The following NTMT2 variants were observed in gnomAD, a reference collection of about 807,000 sequenced individuals.
NTMT2 encodes X-Pro-Lys N-terminal protein methyltransferase 1B.
Under a neutral mutation model 23.4 loss-of-function variants are expected in NTMT2, and 21 were observed. That is an observed-to-expected ratio of 0.90 (90% CI 0.64 to 1.29). The LOEUF is 1.29. NTMT2 is among the 50% of genes most tolerant of loss of function. The pLI is 0.00. For missense variants in NTMT2, 336 were observed against 352.0 expected, an observed-to-expected ratio of 0.95 and a Z score of 0.36; for synonymous variants, 131 against 127.7, an observed-to-expected ratio of 1.03 and a Z score of -0.17.
chr1:170,146,194 C>G lies in NTMT2; in HGVS notation c.87C>G (p.Ile29Met). The G allele has an allele frequency of 6.4e-7, 1 of 1,551,188 alleles. No homozygotes were observed. The highest frequency in any genetic ancestry group is 8.7e-7 in the Non-Finnish European group (1 of 1,146,922). ...DELCRHSMSF[I>M]LHKAIRNDFF... ...TCTGTAGACATAGCATGTCTTTTAT[C>G]CTTCACAAAGCCATTCGCAATGACT... The change falls in exon 1 of 4, where the codon ATC becomes ATG. Residue 29 changes from isoleucine (I) to methionine (M), a missense_variant. Transcript: ENST00000439373.
rs1337299042 is a variant in NTMT2 at position 170,168,054 on chromosome 1, A to G, written c.*297A>G. ...AAACTGTGCAAGCGTGCATGAAAACAGAAGGCATAAAGGACAGCTGGCCTG... is the reference window on the plus strand; with the variant it reads ...AAACTGTGCAAGCGTGCATGAAAACGGAAGGCATAAAGGACAGCTGGCCTG... On this transcript the variant is annotated 3_prime_UTR_variant, in exon 4 of 4. Coordinates refer to ENST00000439373, the MANE Select transcript of NTMT2 (RefSeq NM_001136107.2). Among the ~76,000 whole-genome samples the G allele has an allele frequency of 6.6e-6, 1 of 152,138 alleles. No homozygotes were observed. The highest frequency in any genetic ancestry group is 1.5e-5 in the Non-Finnish European group (1 of 68,020).
intron 1 of NTMT2, among the ~76,000 whole-genome samples, chr1:170,148,033 C>T (rs564587222): frequency 5.9e-4 from 90 of 151,982 alleles, no homozygotes; most frequent in African/African-American, 2.1e-3. Context: ...ATTCCACTGA[C>T]GCCCAATGTA....
chr1:170,166,579 G>T lies in NTMT2; in HGVS notation c.408G>T (p.Leu136Phe). 6.4e-7 allele frequency: 1 copy of T among 1,552,274 alleles called. No individual in the cohort carries two copies. The highest frequency in any genetic ancestry group is 8.7e-7 in the Non-Finnish European group (1 of 1,147,100). ...GAAGGGTCAGCAAACACGTCTTATT[G>T]CCTGTTTTCAACAGTGTGGAGCTGG... is the stretch of plus-strand genomic sequence containing the variant. ...GIGRVSKHVL[L>F]PVFNSVELVD... is the part of the protein sequence containing the mutation. The change falls in exon 3 of 4, where the codon TTG becomes TTT. Residue 136 changes from leucine (L) to phenylalanine (F), a missense_variant. Leu to Phe is a conservative substitution (Grantham distance 22, BLOSUM62 0). Coordinates refer to ENST00000439373, the MANE Select transcript of NTMT2 (RefSeq NM_001136107.2).
At chr1:170,167,458 T>C in intron 3 of NTMT2, 28 bp from the exon 4 acceptor site, 2 of 1,517,446 alleles carry the variant, frequency 1.3e-6, no homozygotes. Context: ...TTCTTCCTGT[T>C]CCCCCATCCA....
intron 2 of NTMT2, among the ~76,000 whole-genome samples, chr1:170,162,867 TA>T (rs1402662807): frequency 6.6e-6 from 1 of 151,526 alleles, no homozygotes; most frequent in Non-Finnish European, 1.5e-5. Flanking sequence ...TTTATTTATT[TA>T]TTTATTTATT....
intron 1 of NTMT2, among the ~76,000 whole-genome samples, chr1:170,149,173 T>C (rs1389769312): frequency 6.6e-6 from 1 of 152,270 alleles, no homozygotes; most frequent in African/African-American, 2.4e-5. Context: ...GATTTTATAA[T>C]GTGACAATGG....
intron 1 of NTMT2, among the ~76,000 whole-genome samples, chr1:170,157,749 C>A (rs888978280): frequency 1.3e-5 from 2 of 151,906 alleles, no homozygotes; most frequent in Non-Finnish European, 2.9e-5. Context: ...TGCTTCATGC[C>A]CTGATCATAA....
chr1:170,153,382 G>C (rs1229275758), intron 1 of NTMT2, among the ~76,000 whole-genome samples: 3 of 152,214 alleles, frequency 2.0e-5, no homozygotes, highest in African/African-American at 7.2e-5. Context: ...AATTTGGAGG[G>C]CTCAGAAGAC....
In NTMT2 at chr1:170,160,593, A is replaced by G. The variant is rs1673257077; in HGVS notation, c.230A>G (p.Gln77Arg). Reference sequence around the variant, plus strand: ...TATGCCAGAGCTAAACTTTTCTACCAAGAAGTACCAGCCACAGAAGAGGGT... The same window carrying G: ...TATGCCAGAGCTAAACTTTTCTACCGAGAAGTACCAGCCACAGAAGAGGGT... ...QFYARAKLFY[Q>R]EVPATEEGMM... Residue 77 changes from glutamine to arginine, a missense_variant, in exon 2 of 4, where the codon CAA (glutamine) becomes CGA (arginine). Physicochemically the swap from Gln to Arg is conservative, Grantham distance 43. Coordinates refer to ENST00000439373, the MANE Select transcript of NTMT2 (RefSeq NM_001136107.2). The G allele has an allele frequency of 1.3e-6, 2 of 1,551,528 alleles. No homozygotes were observed. Among genetic ancestry groups the G allele is most frequent in the South Asian group, 2.4e-5 (2 of 84,042 alleles).
chr1:170,163,976 G>A (rs922625184), intron 2 of NTMT2, among the ~76,000 whole-genome samples: 1 of 152,088 alleles, frequency 6.6e-6, no homozygotes, highest in African/African-American at 2.4e-5. Context: ...ACAAAAATCA[G>A]TGGTGTGTGA....
At chr1:170,162,134 A>AAG (rs1673286239) in intron 2 of NTMT2, among the ~76,000 whole-genome samples, 2 of 152,172 alleles carry the variant, frequency 1.3e-5, no homozygotes, top group Non-Finnish European at 2.9e-5. Context: ...AAGCAAAGCA[A>AAG]CAACAGAAAA....
rs550297 is a variant in NTMT2, at chr1:170,146,015, G to A, written c.-93G>A. On this transcript the variant is annotated 5_prime_UTR_variant, in exon 1 of 4. Transcript: ENST00000439373. ...GAGAGGGGACTGGTTTAAAATGACA[G>A]TCTCAAGTTCATTTAGAAAGAGAAG... 0.46 allele frequency: 561,069 copies of A among 1,222,090 alleles called. 134,568 individuals are homozygous for A. Among genetic ancestry groups the A allele is most frequent in the East Asian group, 0.74 (28,374 of 38,556 alleles). The allele number at this position is 1,222,090 out of a possible 1,614,324, so 75.7% of individuals were successfully genotyped here.
At position 170,166,592 on chromosome 1, in the gene NTMT2, A is replaced by G. The variant is rs756317188; in HGVS notation, c.421A>G (p.Ser141Gly). Residue 141 changes from serine to glycine, a missense_variant, in exon 3 of 4, where the codon AGT (serine) becomes GGT (glycine). By Grantham distance (56) the Ser-to-Gly change is moderately conservative. Coordinates refer to ENST00000439373, the MANE Select transcript of NTMT2 (RefSeq NM_001136107.2). The stretch of plus-strand genomic sequence containing the variant: ...ACACGTCTTATTGCCTGTTTTCAAC[A>G]GTGTGGAGCTGGTGGATATGATGGA... The part of the protein sequence containing the change: ...SKHVLLPVFN[S>G]VELVDMMESF... 3.9e-6 allele frequency: 6 copies of G among 1,552,306 alleles called. No individual in the cohort carries two copies. The highest frequency in any genetic ancestry group is 2.0e-5 in the Admixed American group (1 of 51,008).
chr1:170,165,203 T>A (rs1673355949), intron 2 of NTMT2, among the ~76,000 whole-genome samples: 1 of 152,178 alleles, frequency 6.6e-6, no homozygotes, highest in African/African-American at 2.4e-5. Context: ...TATGACCAAA[T>A]AATTTAGACC....
chr1:170,167,461 C>A (rs1413851464), intron 3 of NTMT2, 25 bp from the exon 4 acceptor site: 1 of 1,521,488 alleles, frequency 6.6e-7, no homozygotes, highest in Non-Finnish European at 8.8e-7. Flanking sequence ...TTCCTGTTCC[C>A]CCATCCACTT....
intron 1 of NTMT2, among the ~76,000 whole-genome samples, chr1:170,153,919 A>G (rs1673116810): frequency 6.6e-6 from 1 of 152,158 alleles, no homozygotes; most frequent in South Asian, 2.1e-4. Flanking sequence ...TCTGGAAGGC[A>G]TTTCAGAGAT....
At chr1:170,152,616 G>A (rs547866103) in intron 1 of NTMT2, among the ~76,000 whole-genome samples, 1 of 152,142 alleles carries the variant, frequency 6.6e-6, no homozygotes, top group South Asian at 2.1e-4. Context: ...AAACCTAGAG[G>A]GTTCCTCTGG....
At chr1:170,159,420 GGTTTTTTTTTTTTT>G (rs1261351616) in intron 1 of NTMT2, among the ~76,000 whole-genome samples, 35 of 88,198 alleles carry the variant, frequency 4.0e-4, no homozygotes, top group Middle Eastern at 9.8e-3. Flanking sequence ...TTTATGCTCT[GGTTTTTTTTTTTTT>G]TTTTTTTTTT....
At chr1:170,146,314 C>T (rs1672964163) in intron 1 of NTMT2, 53 bp downstream of exon 1, 1 of 1,495,392 alleles carries the variant, frequency 6.7e-7, no homozygotes, top group Non-Finnish European at 9.1e-7. Flanking sequence ...GATGGGATTG[C>T]ATGAGGTCAT....
Sources: gnomAD v4.1 joint callset for allele counts (sites outside exome capture counted in the v4.1 genomes callset) on GRCh38, gnomAD v4.1.1 for gene constraint, MANE v1.5 for transcripts, NCBI Gene and HGNC (gene_info 2026-07-23, HGNC 2026-07-21) for gene names.